Variants in RADIL observed in about 807,000 individuals in gnomAD.
The protein encoded by RADIL is ras-associating and dilute domain-containing protein.
In RADIL, 99 loss-of-function variants were observed where a neutral mutation model predicts 97.6. That is an observed-to-expected ratio of 1.01 (90% CI 0.86 to 1.20). The LOEUF (loss-of-function observed/expected upper bound fraction) is 1.20, where lower values mean the gene tolerates loss of function less well. Ranked by LOEUF, RADIL falls within the 50% of genes most tolerant of loss-of-function variation. The probability of loss-of-function intolerance (pLI) is 0.00; values close to 1 mark genes in which losing one functional copy is unlikely to be tolerated. For synonymous variants in RADIL, 803 were observed against 691.8 expected, an observed-to-expected ratio of 1.16 and a Z score of -2.52; for missense variants, 1,765 against 1,498.9, an observed-to-expected ratio of 1.18 and a Z score of -2.93.
chr7:4,847,555 C>A (rs1218815631), intron 2 of RADIL, among the ~76,000 whole-genome samples: 1 of 152,024 alleles, frequency 6.6e-6, no homozygotes, highest in Non-Finnish European at 1.5e-5. Flanking sequence ...ATGTTCACAG[C>A]AGCATTATCC....
At position 4,859,954 on chromosome 7, in the gene RADIL, A is replaced by C; in HGVS notation, c.535+17651T>G. 1 of 1,614,018 alleles carries C rather than the reference A, an allele frequency of 6.2e-7. No homozygotes were observed. Among genetic ancestry groups the C allele is most frequent in the South Asian group, 1.1e-5 (1 of 91,078 alleles). On this transcript the variant is annotated intron_variant, in intron 2 of 14. Transcript: ENST00000399583. The stretch of plus-strand genomic sequence containing the variant: ...CCTGAAGGTCTGGATGGCTTATGAG[A>C]CATGTTGAAGAAACAACTCTGGCGA...
At chr7:4,882,158 C>T (rs1784500826) in intron 1 of RADIL, 1 of 152,402 alleles carries the variant, frequency 6.6e-6, no homozygotes, top group African/African-American at 2.4e-5. Flanking sequence ...TTTGGTCATC[C>T]TCCCTTGGCC....
At position 4,877,914 on chromosome 7, in the gene RADIL, T is replaced by C; in HGVS notation, c.226A>G (p.Thr76Ala). 6.2e-7 allele frequency: 1 copy of C among 1,606,650 alleles called. No homozygotes were observed. The highest frequency in any genetic ancestry group is 8.5e-7 in the Non-Finnish European group (1 of 1,179,948). The change falls in exon 2 of 15, where the codon ACC (threonine) becomes GCC (alanine). Residue 76 changes from threonine (T) to alanine (A), a missense_variant. Physicochemically the swap from Thr to Ala is moderately conservative, Grantham distance 58 (BLOSUM62 0). Coordinates refer to ENST00000399583, the MANE Select transcript of RADIL (RefSeq NM_018059.5). ...GTGGCCAGGACGCTCTTGTAGTGGG[T>C]TCCTGTGCAGACACTGTCCCCAAAC... ...KVFGDSVCTG[T>A]HYKSVLATGT... is the part of the protein sequence containing the mutation.
chr7:4,869,490 C>T (rs1255342094), intron 2 of RADIL, among the ~76,000 whole-genome samples: 1 of 151,502 alleles, frequency 6.6e-6, no homozygotes, highest in Non-Finnish European at 1.5e-5. Flanking sequence ...ATAATTTTAC[C>T]TTTGACACGT....
chr7:4,823,458 C>T (rs1369902279), intron 5 of RADIL, among the ~76,000 whole-genome samples: 1 of 151,842 alleles, frequency 6.6e-6, no homozygotes, highest in Admixed American at 6.6e-5. Flanking sequence ...GCATGAGCCA[C>T]CATGCCTAGC....
Position 4,842,293 on chromosome 7 carries a change from C to T in RADIL, c.536-5688G>A, listed in dbSNP as rs1452082757. Among the ~76,000 whole-genome samples the T allele has an allele frequency of 6.6e-6, 1 of 152,126 alleles. No homozygotes were observed. Among genetic ancestry groups the T allele is most frequent in the African/African-American group, 2.4e-5 (1 of 41,424 alleles). On this transcript the variant is annotated intron_variant, in intron 2 of 14. Transcript: ENST00000399583. The surrounding 1 kb of genome is among the most constrained non-coding windows in gnomAD (Gnocchi z 4.5). ...CCGTAAGGAAAGGAGGGCTGAGCTC[C>T]ATGTCCCTGAAGCTCTGTTAGCGGC...
intron 9 of RADIL, chr7:4,809,115 G>A: frequency 1.0e-6 from 1 of 984,794 alleles, no homozygotes; most frequent in Middle Eastern, 5.2e-4. Context: ...CGGGGCGCAG[G>A]ACAGGCGCTT....
At chr7:4,836,685 C>A in intron 2 of RADIL, 80 bp from the exon 3 acceptor site, 2 of 1,567,734 alleles carry the variant, frequency 1.3e-6, no homozygotes, top group South Asian at 1.1e-5. Flanking sequence ...CCCCTGTAAT[C>A]CCAGCACTTT....
intron 2 of RADIL, among the ~76,000 whole-genome samples, chr7:4,844,762 G>A (rs763080130): frequency 6.4e-4 from 98 of 151,976 alleles, no homozygotes; most frequent in Non-Finnish European, 6.9e-4. Context: ...ACACCACCAC[G>A]CCCAGCTAAT....
At position 4,840,274 on chromosome 7, in the gene RADIL, C is replaced by T. The variant is rs149862022; in HGVS notation, c.536-3669G>A. Among the ~76,000 whole-genome samples the T allele has an allele frequency of 6.6e-5, 10 of 152,226 alleles. No homozygotes were observed. The highest frequency in any genetic ancestry group is 2.2e-4 in the African/African-American group (9 of 41,538). On this transcript the variant is annotated intron_variant, in intron 2 of 14. Coordinates refer to ENST00000399583, the MANE Select transcript of RADIL (RefSeq NM_018059.5). The surrounding 1 kb of genome is among the most constrained non-coding windows in gnomAD (Gnocchi z 5.6). ...GTTTGTGCCTGACCTGATACAGCTT[C>T]GTCACCTGAGTCACCTGAGCGTCTC...
Position 4,822,330 on chromosome 7 carries a change from G to A in RADIL, c.1615+64C>T. On this transcript the variant is annotated intron_variant, in intron 6 of 14. Transcript: ENST00000399583. This position sits in a 1 kb window ranked among gnomAD's most constrained non-coding sequence, Gnocchi z 5.3. ...GCCAACTAGGTTCCGAGGACGGCGA[G>A]GAGATGCCACACTCCCCTGCCTGGG... is the stretch of plus-strand genomic sequence containing the variant. The A allele has an allele frequency of 2.6e-6, 4 of 1,521,250 alleles. No homozygotes were observed. The highest frequency in any genetic ancestry group is 3.5e-6 in the Non-Finnish European group (4 of 1,127,910). The allele number at this position is 1,521,250 out of a possible 1,614,324, so 94.2% of individuals were successfully genotyped here.
chr7:4,801,685 C>A lies in RADIL; in HGVS notation c.2810G>T (p.Gly937Val). Residue 937 changes from glycine to valine, a missense_variant, in exon 12 of 15, where the codon GGA (glycine) becomes GTA (valine). Gly to Val is a moderately radical substitution (Grantham distance 109). Transcript: ENST00000399583. ...AGCTGCACCCCGGAGGCCGCTGAGT[C>A]CGTTCCTCTGCCTCTCTGGGAGCGC... ...GKALPERQRN[G>V]LSGLRGAAPE... is the part of the protein sequence containing the mutation. 1 of 1,607,362 alleles carries A rather than the reference C, an allele frequency of 6.2e-7. No individual in the cohort carries two copies.
At position 4,854,410 on chromosome 7, in the gene RADIL, T is replaced by C. The variant is rs10254351; in HGVS notation, c.536-17805A>G. 0.12 allele frequency among the ~76,000 whole-genome samples: 17,721 copies of C among 152,184 alleles called. 1,157 individuals are homozygous for C. Among genetic ancestry groups the C allele is most frequent in the African/African-American group, 0.16 (6,570 of 41,532 alleles). On this transcript the variant is annotated intron_variant, in intron 2 of 14. Coordinates refer to ENST00000399583, the MANE Select transcript of RADIL (RefSeq NM_018059.5). The surrounding 1 kb of genome is among the most constrained non-coding windows in gnomAD (Gnocchi z 5.1). ...ATTGTTGATAAAGAGGTTACCACTT[T>C]GGGCCGGGCGCGGTGGCTCACGCCT... is the stretch of plus-strand genomic sequence containing the variant.
At chr7:4,828,422 C>G (rs1296225672) in intron 5 of RADIL, among the ~76,000 whole-genome samples, 1 of 152,140 alleles carries the variant, frequency 6.6e-6, no homozygotes, top group Non-Finnish European at 1.5e-5. Flanking sequence ...CGCGCCAATG[C>G]GCTCCAGCCT....
chr7:4,831,878 A>AAAAC (rs1562441546), intron 5 of RADIL, among the ~76,000 whole-genome samples: 1 of 151,976 alleles, frequency 6.6e-6, no homozygotes. Context: ...TAGAGCAAAC[A>AAAAC]AAACAAAACA....
At position 4,821,068 on chromosome 7, in the gene RADIL, C is replaced by T. The variant is rs1782818220; in HGVS notation, c.1615+1326G>A. ...GGGGACACAGCTGAGTACACAGAGACCCCGCAGCGTCTGGTAGACTGAGCC... is the reference window on the plus strand; with the variant it reads ...GGGGACACAGCTGAGTACACAGAGATCCCGCAGCGTCTGGTAGACTGAGCC... On this transcript the variant is annotated intron_variant, in intron 6 of 14. Transcript: ENST00000399583. This position sits in a 1 kb window ranked among gnomAD's most constrained non-coding sequence, Gnocchi z 5.2. Among the ~76,000 whole-genome samples, 1 of 152,218 alleles carries T rather than the reference C, an allele frequency of 6.6e-6. No homozygotes were observed. The highest frequency in any genetic ancestry group is 6.5e-5 in the Admixed American group (1 of 15,290).
intron 10 of RADIL, among the ~76,000 whole-genome samples, chr7:4,805,035 A>G (rs562785402): frequency 2.0e-4 from 31 of 152,300 alleles, no homozygotes; most frequent in Admixed American, 1.8e-3. Context: ...TGGAGGTTGC[A>G]GTGAGCTGAG....
chr7:4,844,844 TC>T (rs1484024400), intron 2 of RADIL, among the ~76,000 whole-genome samples: 1 of 152,044 alleles, frequency 6.6e-6, no homozygotes. Flanking sequence ...GCTCAGGCAA[TC>T]CTCCCGCCTC....
In RADIL at chr7:4,878,141, G is replaced by A. The variant is rs1337625274; in HGVS notation, c.-2C>T. The A allele has an allele frequency of 7.8e-6, 12 of 1,542,806 alleles. No individual in the cohort carries two copies. Among genetic ancestry groups the A allele is most frequent in the Non-Finnish European group, 9.6e-6 (11 of 1,144,864 alleles). ...GATGAAGTGCGTCCCATAAAACATG[G>A]TGGGTGAGGCTTCATGGATGAGGAC... On this transcript the variant is annotated 5_prime_UTR_variant, in exon 2 of 15. Transcript: ENST00000399583. This position sits in a 1 kb window ranked among gnomAD's most constrained non-coding sequence, Gnocchi z 4.1.
Sources: allele counts gnomAD v4.1 joint callset (sites outside exome capture counted in the v4.1 genomes callset), GRCh38; gene constraint gnomAD v4.1.1; non-coding constraint Gnocchi (gnomAD v3.1); transcripts MANE v1.5; gene names NCBI Gene and HGNC (gene_info 2026-07-23, HGNC 2026-07-21).